Variants in PABPC4L observed in about 807,000 individuals in gnomAD.
PABPC4L encodes the protein polyadenylate-binding protein 4-like.
For missense variants in PABPC4L, 452 were observed against 451.4 expected, an observed-to-expected ratio of 1.00 and a Z score of -0.01; for synonymous variants, 169 against 164.1, an observed-to-expected ratio of 1.03 and a Z score of -0.23.
At chr4:133,996,906 A>G in the PABPC4L span, among the ~76,000 whole-genome samples, 1 of 152,208 alleles carries the variant, frequency 6.6e-6, no homozygotes, top group Non-Finnish European at 1.5e-5. Flanking sequence ...GTGAATGATC[A>G]AAGGTTGGTT....
At chr4:133,963,607 T>A in the PABPC4L span, among the ~76,000 whole-genome samples, 277 of 152,152 alleles carry the variant, frequency 1.8e-3, 2 homozygotes, top group African/African-American at 6.1e-3. Context: ...AAAAAACTCA[T>A]TGAATTTAAG....
the PABPC4L span, among the ~76,000 whole-genome samples, chr4:134,069,600 G>T: frequency 9.9e-5 from 15 of 152,064 alleles, no homozygotes; most frequent in Non-Finnish European, 2.2e-4. Context: ...CCTCAGCTTG[G>T]TCAATTCTGC....
the PABPC4L span, among the ~76,000 whole-genome samples, chr4:134,164,108 A>C: frequency 6.6e-6 from 1 of 150,778 alleles, no homozygotes; most frequent in East Asian, 2.0e-4. Context: ...CTAAAAATAC[A>C]AAAAATTAGC....
the PABPC4L span, among the ~76,000 whole-genome samples, chr4:133,983,430 AAC>A: frequency 6.6e-6 from 1 of 152,058 alleles, no homozygotes; most frequent in South Asian, 2.1e-4. Flanking sequence ...AAAGGTAAAA[AAC>A]ACAGATTGAC....
the PABPC4L span, among the ~76,000 whole-genome samples, chr4:134,076,495 A>G: frequency 1.3e-5 from 2 of 152,174 alleles, no homozygotes; most frequent in African/African-American, 4.8e-5. Context: ...CGAGAGAATC[A>G]ACAATGCTTG....
the PABPC4L span, among the ~76,000 whole-genome samples, chr4:134,125,958 G>A: frequency 6.6e-6 from 1 of 152,124 alleles, no homozygotes; most frequent in Non-Finnish European, 1.5e-5. Flanking sequence ...GAACTGCAGG[G>A]TGTGGTGCCT....
chr4:133,956,746 G>A, the PABPC4L span, among the ~76,000 whole-genome samples: 1 of 152,176 alleles, frequency 6.6e-6, no homozygotes, highest in African/African-American at 2.4e-5. Context: ...GGCTTGGAAG[G>A]CCTCAGGAAA....
chr4:134,092,275 G>C, the PABPC4L span, among the ~76,000 whole-genome samples: 10 of 152,064 alleles, frequency 6.6e-5, no homozygotes, highest in South Asian at 1.7e-3. Flanking sequence ...AAACTCCCCT[G>C]GCAGAGGAGC....
At chr4:134,097,128 T>C in the PABPC4L span, among the ~76,000 whole-genome samples, 18 of 152,054 alleles carry the variant, frequency 1.2e-4, no homozygotes, top group African/African-American at 2.6e-4. Context: ...TACAGGCAGT[T>C]ATCAAGGAAA....
the PABPC4L span, among the ~76,000 whole-genome samples, chr4:134,093,571 C>CTTTTTTT: frequency 6.9e-6 from 1 of 144,086 alleles, no homozygotes; most frequent in African/African-American, 2.5e-5. Context: ...TTTTCTTTCT[C>CTTTTTTT]TTTTTTTTTT....
chr4:134,153,073 T>C, the PABPC4L span, among the ~76,000 whole-genome samples: 1 of 152,128 alleles, frequency 6.6e-6, no homozygotes, highest in African/African-American at 2.4e-5. Flanking sequence ...ACAAACACTT[T>C]CCATGAGGCT....
the PABPC4L span, among the ~76,000 whole-genome samples, chr4:134,091,230 T>G: frequency 1.2e-3 from 186 of 152,148 alleles, no homozygotes; most frequent in Admixed American, 2.1e-3. Flanking sequence ...CTACATTTAG[T>G]ATTAAGTATA....
At chr4:134,194,212 T>C (rs1729592536), downstream of PABPC4L, among the ~76,000 whole-genome samples, 1 of 151,802 alleles carries the variant, frequency 6.6e-6, no homozygotes, top group East Asian at 1.9e-4. Context: ...GAGAGGGAAA[T>C]GGGAGTACTG....
chr4:134,059,787 A>AAGAT, the PABPC4L span, among the ~76,000 whole-genome samples: 1 of 152,094 alleles, frequency 6.6e-6, no homozygotes, highest in Non-Finnish European at 1.5e-5. Context: ...GAGGCGAAGC[A>AAGAT]AGATGGCCAA....
At chr4:134,031,835 A>T in the PABPC4L span, among the ~76,000 whole-genome samples, 1 of 151,950 alleles carries the variant, frequency 6.6e-6, no homozygotes, top group Non-Finnish European at 1.5e-5. Flanking sequence ...TGTTGAATGA[A>T]TGAATAAATG....
chr4:134,092,114 G>C, the PABPC4L span, among the ~76,000 whole-genome samples: 2 of 151,864 alleles, frequency 1.3e-5, no homozygotes, highest in Non-Finnish European at 2.9e-5. Context: ...ACTGGGTAGA[G>C]GGGGGTGGTT....
chr4:133,985,100 G>T, the PABPC4L span, among the ~76,000 whole-genome samples: 1 of 151,842 alleles, frequency 6.6e-6, no homozygotes, highest in African/African-American at 2.4e-5. Flanking sequence ...AATAAACCAA[G>T]AAAACGTTAC....
At chr4:134,193,363 A>G (rs1729566830), downstream of PABPC4L, among the ~76,000 whole-genome samples, 1 of 151,982 alleles carries the variant, frequency 6.6e-6, no homozygotes, top group South Asian at 2.1e-4. Context: ...CAGAAATGTG[A>G]AGAATGAGCT....
the PABPC4L span, among the ~76,000 whole-genome samples, chr4:134,140,198 T>A: frequency 6.6e-6 from 1 of 151,744 alleles, no homozygotes; most frequent in Non-Finnish European, 1.5e-5. Context: ...ATTCTAGAAA[T>A]TTACTATGAG....
Sources: allele counts gnomAD v4.1 joint callset (sites outside exome capture counted in the v4.1 genomes callset), GRCh38; gene constraint gnomAD v4.1.1; transcripts MANE v1.5; gene names NCBI Gene and HGNC (gene_info 2026-07-23, HGNC 2026-07-21).